The following TPRG1 variants were observed in gnomAD, a reference collection of about 807,000 sequenced individuals.
TPRG1 encodes the protein tumor protein p63 regulated 1, also known as tumor protein p63-regulated gene 1 protein.
In TPRG1, 29 loss-of-function variants were observed where a neutral mutation model predicts 29.3. The ratio of observed to expected loss-of-function variants is 0.99; its 90% CI spans 0.74 to 1.35. TPRG1 has a LOEUF of 1.35. TPRG1 is among the 40% of genes most tolerant of loss of function. The probability of loss-of-function intolerance (pLI) is 0.00; values close to 1 mark genes in which losing one functional copy is unlikely to be tolerated. For missense variants in TPRG1, 327 were observed against 335.0 expected (o/e 0.98, Z 0.19); for synonymous variants, 130 against 116.8 (o/e 1.11, Z -0.73).
At chr3:189,252,245 AT>A (rs1200758935) in intron 4 of TPRG1, among the ~76,000 whole-genome samples, 1 of 152,108 alleles carries the variant, frequency 6.6e-6, no homozygotes, top group Non-Finnish European at 1.5e-5. Context: ...AGGCAGAAGA[AT>A]TTGTCTTAGT....
chr3:189,137,908 T>C (rs1939259684), intron 3 of TPRG1, among the ~76,000 whole-genome samples: 1 of 152,194 alleles, frequency 6.6e-6, no homozygotes, highest in South Asian at 2.1e-4. Context: ...TCTGTGCCTC[T>C]CTATTTTTAA....
chr3:189,248,637 TTATTA>T (rs1741705510), intron 4 of TPRG1, among the ~76,000 whole-genome samples: 1 of 151,300 alleles, frequency 6.6e-6, no homozygotes, highest in Non-Finnish European at 1.5e-5. Flanking sequence ...ATAGATTTTA[TTATTA>T]TATTTCATAT....
chr3:189,238,792 T>C lies in TPRG1; in HGVS notation c.362T>C (p.Leu121Ser). 1 of 1,613,822 alleles carries C rather than the reference T, an allele frequency of 6.2e-7. No homozygotes were observed. Among genetic ancestry groups the C allele is most frequent in the Non-Finnish European group, 8.5e-7 (1 of 1,179,770 alleles). Residue 121 changes from leucine to serine, a missense_variant, in exon 4 of 6, where the codon TTG becomes TCG. Leu to Ser is a moderately radical substitution (Grantham distance 145). Coordinates refer to ENST00000345063, the MANE Select transcript of TPRG1 (RefSeq NM_198485.4). Reference protein sequence around the residue: ...RILLVTDKTLLICKYDFIMLS... With the variant: ...RILLVTDKTLSICKYDFIMLS... Reference sequence around the variant, plus strand: ...CTACTGGTCACAGACAAGACTCTCTTGATCTGCAAATACGACTTCATCATG... The same window carrying C: ...CTACTGGTCACAGACAAGACTCTCTCGATCTGCAAATACGACTTCATCATG...
chr3:189,253,809 G>T (rs1473972720), intron 4 of TPRG1, among the ~76,000 whole-genome samples: 1 of 151,908 alleles, frequency 6.6e-6, no homozygotes, highest in Non-Finnish European at 1.5e-5. Context: ...GGCATGAGAT[G>T]GTATTTCATT....
At chr3:189,314,638 G>A (rs1181013097) in intron 5 of TPRG1, among the ~76,000 whole-genome samples, 1 of 151,912 alleles carries the variant, frequency 6.6e-6, no homozygotes, top group African/African-American at 2.4e-5. Context: ...ATAAAACAAT[G>A]TGAAAGTATA....
intron 5 of TPRG1, among the ~76,000 whole-genome samples, chr3:189,154,718 C>T (rs545685506): frequency 3.6e-4 from 55 of 152,320 alleles, no homozygotes; most frequent in African/African-American, 1.3e-3. Flanking sequence ...GCTGGGATTA[C>T]AGGCAGGAGC....
At chr3:189,049,402 T>C (rs1471290856) in intron 4 of TPRG1, among the ~76,000 whole-genome samples, 1 of 152,078 alleles carries the variant, frequency 6.6e-6, no homozygotes, top group African/African-American at 2.4e-5. Context: ...ACGACCTTCA[T>C]GACTCAGCAG....
At chr3:189,031,195 G>A (rs149104928) in intron 4 of TPRG1, among the ~76,000 whole-genome samples, 2,462 of 152,158 alleles carry the variant, frequency 0.016, 37 homozygotes, top group Middle Eastern at 0.037. Flanking sequence ...GGAGGCTGAG[G>A]CAGGAGAATC....
intron 3 of TPRG1, among the ~76,000 whole-genome samples, chr3:189,229,902 C>T (rs955882335): frequency 6.6e-6 from 1 of 152,190 alleles, no homozygotes; most frequent in Non-Finnish European, 1.5e-5. Flanking sequence ...GATCTCTCTG[C>T]TGCTTAAAAT....
At chr3:189,278,010 A>G (rs1334848943) in intron 4 of TPRG1, among the ~76,000 whole-genome samples, 1 of 152,146 alleles carries the variant, frequency 6.6e-6, no homozygotes, top group Non-Finnish European at 1.5e-5. Context: ...CACCTTTCAG[A>G]TTTGTGAGCA....
At chr3:189,300,078 G>A (rs919380600) in intron 4 of TPRG1, among the ~76,000 whole-genome samples, 4 of 152,166 alleles carry the variant, frequency 2.6e-5, no homozygotes, top group African/African-American at 9.7e-5. Context: ...ACTCTATAAT[G>A]ATTATCTTCG....
At chr3:189,055,855 C>T (rs182950469) in intron 4 of TPRG1, among the ~76,000 whole-genome samples, 5 of 152,182 alleles carry the variant, frequency 3.3e-5, no homozygotes, top group Admixed American at 3.3e-4. Flanking sequence ...TGATCTGGCT[C>T]CAAAACCTCT....
intron 3 of TPRG1, among the ~76,000 whole-genome samples, chr3:189,217,183 A>T (rs1736197751): frequency 6.6e-6 from 1 of 152,240 alleles, no homozygotes; most frequent in African/African-American, 2.4e-5. Flanking sequence ...GAAGCTTAGC[A>T]CTACAATTCT....
chr3:189,271,675 A>C (rs970541362), intron 4 of TPRG1, among the ~76,000 whole-genome samples: 2 of 152,240 alleles, frequency 1.3e-5, no homozygotes, highest in South Asian at 4.1e-4. Context: ...GAACTAGAAA[A>C]GACCTTAGAG....
chr3:189,258,791 T>G (rs1712412374), intron 4 of TPRG1, among the ~76,000 whole-genome samples: 1 of 152,128 alleles, frequency 6.6e-6, no homozygotes. Context: ...CCCAGTGGCT[T>G]TGTTTACACT....
intron 4 of TPRG1, among the ~76,000 whole-genome samples, chr3:189,297,716 C>T (rs1720189742): frequency 6.6e-6 from 1 of 152,188 alleles, no homozygotes; most frequent in Non-Finnish European, 1.5e-5. Flanking sequence ...CCTACCTCTG[C>T]TTGCAGGGCT....
At chr3:189,094,784 A>G (rs965183409) in intron 4 of TPRG1, among the ~76,000 whole-genome samples, 8 of 152,162 alleles carry the variant, frequency 5.3e-5, no homozygotes, top group South Asian at 2.1e-4. Context: ...GTGTGTGTCA[A>G]TGTTGATGGG....
At chr3:189,184,576 A>T (rs1388867486) in intron 1 of TPRG1, among the ~76,000 whole-genome samples, 2 of 152,232 alleles carry the variant, frequency 1.3e-5, no homozygotes, top group Non-Finnish European at 2.9e-5. Flanking sequence ...CTACAACATA[A>T]TAAGAAAAAT....
At chr3:189,123,488 A>G (rs1023250802) in intron 1 of TPRG1, 6 of 152,344 alleles carry the variant, frequency 3.9e-5, no homozygotes, top group Admixed American at 3.9e-4. Flanking sequence ...AAATGAAAGG[A>G]ACCTGCTACC....
Sources: gnomAD v4.1 joint callset for allele counts (sites outside exome capture counted in the v4.1 genomes callset) on GRCh38, gnomAD v4.1.1 for gene constraint, MANE v1.5 for transcripts, NCBI Gene and HGNC (gene_info 2026-07-23, HGNC 2026-07-21) for gene names.